Variants in UNC5D observed in about 807,000 individuals in gnomAD.
UNC5D encodes unc-5 netrin receptor D.
UNC5D carries 39 observed loss-of-function variants against 105.4 expected under a neutral mutation model. The observed-to-expected ratio is 0.37, with a 90% confidence interval of 0.29 to 0.48. The LOEUF is 0.48. Among genes scored for constraint, UNC5D ranks in the 20% least tolerant of loss-of-function variants. The probability of loss-of-function intolerance (pLI) is 0.98; values close to 1 mark genes in which losing one functional copy is unlikely to be tolerated. For missense variants in UNC5D, 991 were observed against 1,202.4 expected, an observed-to-expected ratio of 0.82 and a Z score of 2.60; for synonymous variants, 452 against 450.4, an observed-to-expected ratio of 1.00 and a Z score of -0.04.
At chr8:35,390,125 G>A (rs1803678616) in intron 1 of UNC5D, among the ~76,000 whole-genome samples, 1 of 152,268 alleles carries the variant, frequency 6.6e-6, no homozygotes, top group South Asian at 2.1e-4. Context: ...CACATGGCCA[G>A]AGGAGAAGCA....
chr8:35,235,586 T>C lies in UNC5D; in HGVS notation c.-199T>C, dbSNP rs1802403425. On this transcript the variant is annotated 5_prime_UTR_variant, in exon 1 of 17. An upstream start codon of the reference 5' UTR is lost. Transcript: ENST00000404895. ...GCGGTCGCCGCGCCGTGGGAAGCTA[T>C]GGGGACGCGCCCTTTCTCGGGGTGC... 7.5e-6 allele frequency: 3 copies of C among 400,144 alleles called. No homozygotes were observed. Among genetic ancestry groups the C allele is most frequent in the East Asian group, 3.8e-5 (1 of 26,316 alleles). 24.8% of individuals were successfully genotyped at this position (400,144 alleles called of 1,614,324 possible). A position where few individuals can be genotyped will look rare whatever the true frequency, so the allele number is the denominator to read the frequency against.
intron 1 of UNC5D, among the ~76,000 whole-genome samples, chr8:35,357,058 G>T (rs1443303838): frequency 1.3e-5 from 2 of 152,102 alleles, no homozygotes; most frequent in Non-Finnish European, 2.9e-5. Flanking sequence ...CCACAGATGA[G>T]GGGGGCTACT....
intron 1 of UNC5D, among the ~76,000 whole-genome samples, chr8:35,489,196 T>C (rs1811034978): frequency 1.3e-5 from 2 of 151,988 alleles, no homozygotes; most frequent in Non-Finnish European, 2.9e-5. Context: ...TTGGTAGAGA[T>C]GGGGTTTCAC....
chr8:35,452,416 C>T (rs2128991946), intron 1 of UNC5D, among the ~76,000 whole-genome samples: 1 of 152,246 alleles, frequency 6.6e-6, no homozygotes, highest in East Asian at 1.9e-4. Flanking sequence ...AGGCACATGC[C>T]ACCATGCCCA....
intron 1 of UNC5D, among the ~76,000 whole-genome samples, chr8:35,418,761 C>A (rs950254168): frequency 6.6e-6 from 1 of 152,150 alleles, no homozygotes; most frequent in Non-Finnish European, 1.5e-5. Context: ...CACCTACGGA[C>A]GTTGGTGCAT....
intron 1 of UNC5D, among the ~76,000 whole-genome samples, chr8:35,501,027 G>T (rs914800012): frequency 2.6e-5 from 4 of 152,064 alleles, no homozygotes; most frequent in Admixed American, 2.6e-4. Flanking sequence ...TGAGGTCAGG[G>T]GACATGTCTG....
intron 13 of UNC5D, among the ~76,000 whole-genome samples, chr8:35,756,378 A>C (rs1015924489): frequency 6.0e-4 from 91 of 152,040 alleles, no homozygotes; most frequent in African/African-American, 2.1e-3. Flanking sequence ...GCAGATATCT[A>C]TTTTTTAAAT....
rs755117321 is a variant in UNC5D at position 35,748,521 on chromosome 8, G to A, written c.1767-6G>A. Reference sequence around the variant, plus strand: ...TCTCTCTTCTATCCTTTTTTCAACTGTGAAGCCTCCAGTCAGATGGCTCTG... The same window carrying A: ...TCTCTCTTCTATCCTTTTTTCAACTATGAAGCCTCCAGTCAGATGGCTCTG... On this transcript the variant is annotated splice_polypyrimidine_tract_variant and splice_region_variant and intron_variant, in intron 11 of 16. Coordinates refer to ENST00000404895, the MANE Select transcript of UNC5D (RefSeq NM_080872.4). 3.1e-6 allele frequency: 5 copies of A among 1,604,876 alleles called. No homozygotes were observed. The highest frequency in any genetic ancestry group is 3.4e-6 in the Non-Finnish European group (4 of 1,177,268).
chr8:35,617,987 G>A (rs2131013560), intron 4 of UNC5D, among the ~76,000 whole-genome samples: 1 of 152,330 alleles, frequency 6.6e-6, no homozygotes, highest in Non-Finnish European at 1.5e-5. Flanking sequence ...TGGGCTGCCA[G>A]CACTGGCCCT....
intron 1 of UNC5D, among the ~76,000 whole-genome samples, chr8:35,300,446 CAAAAAAAAAAAAAAAAAAAAA>C (rs752599540): frequency 4.5e-4 from 26 of 58,394 alleles, no homozygotes; most frequent in African/African-American, 1.3e-3. Flanking sequence ...GACTCCCTCT[CAAAAAAAAAAAAAAAAAAAAA>C]AAAAAAAAAA....
At chr8:35,476,867 G>A (rs7812746) in intron 1 of UNC5D, among the ~76,000 whole-genome samples, 63 of 152,112 alleles carry the variant, frequency 4.1e-4, no homozygotes, top group African/African-American at 1.4e-3. Flanking sequence ...GGGCTTGGAC[G>A]TTGTACTGTG....
At chr8:35,364,946 A>G (rs1396530704) in intron 1 of UNC5D, among the ~76,000 whole-genome samples, 1 of 152,158 alleles carries the variant, frequency 6.6e-6, no homozygotes, top group African/African-American at 2.4e-5. Context: ...ATCTTCATAG[A>G]GTCAATTTAC....
intron 1 of UNC5D, among the ~76,000 whole-genome samples, chr8:35,412,268 T>C (rs1805224736): frequency 6.6e-6 from 1 of 152,082 alleles, no homozygotes; most frequent in Non-Finnish European, 1.5e-5. Flanking sequence ...TAAATTGTCC[T>C]CACTGACAGT....
At chr8:35,695,980 C>G (rs1826745109) in intron 7 of UNC5D, among the ~76,000 whole-genome samples, 1 of 152,016 alleles carries the variant, frequency 6.6e-6, no homozygotes, top group African/African-American at 2.4e-5. Flanking sequence ...GGTGATCCAC[C>G]CACCTTGACC....
chr8:35,299,465 C>T (rs934903355), intron 1 of UNC5D, among the ~76,000 whole-genome samples: 3 of 152,288 alleles, frequency 2.0e-5, no homozygotes, highest in Admixed American at 6.5e-5. Flanking sequence ...ATTCTTCCTC[C>T]GTTCTTTCCT....
chr8:35,287,601 C>G (rs1365198163), intron 1 of UNC5D, among the ~76,000 whole-genome samples: 1 of 150,808 alleles, frequency 6.6e-6, no homozygotes, highest in Non-Finnish European at 1.5e-5. Flanking sequence ...CAAGACCAGA[C>G]TAAGCAATAT....
Position 35,686,579 on chromosome 8 carries a change from C to A in UNC5D, c.954C>A (p.Ser318=). The change falls in exon 7 of 17, where the codon TCC becomes TCA. Residue 318 remains serine, a synonymous_variant. Transcript: ENST00000404895. ...DGSWEVWSEW[S]VCSPECEHLR... is the part of the protein sequence containing the mutation. ...GCTGGGAAGTGTGGAGCGAATGGTC[C>A]GTCTGCAGTCCAGAGTGTGAACATT... 6.3e-7 allele frequency: 1 copy of A among 1,594,300 alleles called. No individual in the cohort carries two copies.
chr8:35,250,704 C>T (rs1244092404), intron 1 of UNC5D, among the ~76,000 whole-genome samples: 1 of 152,100 alleles, frequency 6.6e-6, no homozygotes, highest in African/African-American at 2.4e-5. Context: ...ACCATGTTGA[C>T]CAGACTGGTC....
chr8:35,410,010 C>CATCACCCAGCA (rs1371192670), intron 1 of UNC5D, among the ~76,000 whole-genome samples: 1 of 36,702 alleles, frequency 2.7e-5, no homozygotes, highest in East Asian at 2.2e-3. Context: ...ATTTCCTTCG[C>CATCACCCAGCA]ATGGCCTCCT....
Sources: allele counts gnomAD v4.1 joint callset (sites outside exome capture counted in the v4.1 genomes callset), GRCh38; gene constraint gnomAD v4.1.1; transcripts MANE v1.5; gene names NCBI Gene and HGNC (gene_info 2026-07-23, HGNC 2026-07-21).